Variants in AKT3 observed in about 807,000 individuals in gnomAD.
The protein encoded by AKT3 is RAC-gamma serine/threonine-protein kinase.
A neutral mutation model predicts 65.3 loss-of-function variants in AKT3; 15 were observed. The observed-to-expected ratio is 0.23, with a 90% CI of 0.15 to 0.35. The LOEUF is 0.35. Ranked by LOEUF, AKT3 falls within the 10% of genes least tolerant of loss-of-function variation. The pLI, the probability that AKT3 is intolerant of heterozygous loss-of-function variation, is 1.00. For synonymous variants in AKT3, 206 were observed against 183.8 expected, an observed-to-expected ratio of 1.12 and a Z score of -0.98; for missense variants, 243 against 576.5, an observed-to-expected ratio of 0.42 and a Z score of 5.92.
chr1:243,553,193 T>C (rs1404664692), intron 10 of AKT3, among the ~76,000 whole-genome samples: 4 of 150,524 alleles, frequency 2.7e-5, no homozygotes, highest in Non-Finnish European at 5.9e-5. Flanking sequence ...AAAAAAAAAA[T>C]CCCAAGTACA....
chr1:243,582,657 G>T (rs571722829), intron 8 of AKT3, among the ~76,000 whole-genome samples: 1 of 152,238 alleles, frequency 6.6e-6, no homozygotes, highest in African/African-American at 2.4e-5. Flanking sequence ...AAAAATGCAT[G>T]TAAGTACATA....
At chr1:243,836,772 T>C (rs2148462746) in intron 2 of AKT3, among the ~76,000 whole-genome samples, 1 of 151,928 alleles carries the variant, frequency 6.6e-6, no homozygotes, top group East Asian at 1.9e-4. Flanking sequence ...TAGCCAGGCA[T>C]GGTGGCACAT....
At chr1:243,795,446 C>G (rs1330753728) in intron 2 of AKT3, among the ~76,000 whole-genome samples, 16 of 135,076 alleles carry the variant, frequency 1.2e-4, no homozygotes, top group Admixed American at 5.1e-4. Flanking sequence ...CCTTGATCTC[C>G]TTGTTTTTTT....
chr1:243,627,970 C>T (rs942154094), intron 6 of AKT3, among the ~76,000 whole-genome samples: 1 of 152,184 alleles, frequency 6.6e-6, no homozygotes, highest in South Asian at 2.1e-4. Context: ...ACGATATACA[C>T]TCAGATATGA....
intron 6 of AKT3, among the ~76,000 whole-genome samples, chr1:243,616,409 T>G (rs1443053105): frequency 6.6e-6 from 1 of 151,906 alleles, no homozygotes; most frequent in East Asian, 1.9e-4. Context: ...TAAGAATGTT[T>G]TCCCCAACTT....
intron 9 of AKT3, among the ~76,000 whole-genome samples, chr1:243,569,544 G>A (rs114577474): frequency 1.3e-5 from 2 of 152,192 alleles, no homozygotes; most frequent in Non-Finnish European, 2.9e-5. Context: ...TTAGGGAGCT[G>A]ATGAGGACGA....
In AKT3 at chr1:243,526,778, T is replaced by TAAAAAAAAAAAAAAAAAAAAAAAA. The variant is rs1671117704; in HGVS notation, c.1252-14353_1252-14352insTTTTTTTTTTTTTTTTTTTTTTTT. Among the ~76,000 whole-genome samples the TAAAAAAAAAAAAAAAAAAAAAAAA allele has an allele frequency of 1.4e-4, 8 of 55,726 alleles. 2 individuals carry two copies. Among genetic ancestry groups the TAAAAAAAAAAAAAAAAAAAAAAAA allele is most frequent in the African/African-American group, 1.8e-4 (3 of 16,498 alleles). The allele number at this position is 55,726 out of a possible 152,430, so 36.6% of individuals were successfully genotyped here. A position where few individuals can be genotyped will look rare whatever the true frequency, so the allele number is the denominator to read the frequency against. On this transcript the variant is annotated intron_variant, in intron 12 of 13. Transcript: ENST00000673466. Reference sequence around the variant, plus strand: ...TTGCCAGCTGCACTACAAAAAATGGTTAAAAAAAAAAAAAAAAAAAAAAAA... The same window carrying TAAAAAAAAAAAAAAAAAAAAAAAA: ...TTGCCAGCTGCACTACAAAAAATGGTAAAAAAAAAAAAAAAAAAAAAAAATAAAAAAAAAAAAAAAAAAAAAAAA...
At chr1:243,737,841 T>C (rs566546797) in intron 2 of AKT3, among the ~76,000 whole-genome samples, 4 of 152,310 alleles carry the variant, frequency 2.6e-5, no homozygotes, top group Admixed American at 2.0e-4. Flanking sequence ...AAATCACATA[T>C]AAAATTGATC....
chr1:243,552,996 A>G, intron 10 of AKT3, 53 bp from the exon 11 acceptor site: 1 of 1,356,892 alleles, frequency 7.4e-7, no homozygotes, highest in Non-Finnish European at 1.0e-6. Context: ...CTTTTAAAGC[A>G]TTATTCATAA....
Position 243,501,833 on chromosome 1 carries a change from C to T in AKT3, c.*3416G>A, listed in dbSNP as rs919674121. 18 of 232,508 alleles carry T rather than the reference C, an allele frequency of 7.7e-5. No individual in the cohort carries two copies. The highest frequency in any genetic ancestry group is 3.4e-4 in the Admixed American group (6 of 17,764). 14.4% of individuals were successfully genotyped at this position (232,508 alleles called of 1,614,324 possible). On this transcript the variant is annotated 3_prime_UTR_variant, in exon 14 of 14. Transcript: ENST00000673466. Reference sequence around the variant, plus strand: ...AAATCATGTTCATCCCTATCATATACGTGTAAAAATACTAAGGATGTACAG... The same window carrying T: ...AAATCATGTTCATCCCTATCATATATGTGTAAAAATACTAAGGATGTACAG...
chr1:243,532,249 C>A (rs1397016761), intron 12 of AKT3, among the ~76,000 whole-genome samples: 4 of 152,126 alleles, frequency 2.6e-5, no homozygotes, highest in Admixed American at 1.3e-4. Context: ...GAGGGTTTTC[C>A]AAACTATAGA....
intron 2 of AKT3, among the ~76,000 whole-genome samples, chr1:243,747,414 T>C (rs1483539209): frequency 6.6e-6 from 1 of 152,176 alleles, no homozygotes; most frequent in Non-Finnish European, 1.5e-5. Context: ...TCATGCTTTT[T>C]TTATTATAGA....
At chr1:243,510,055 C>G (rs1669921722) in intron 13 of AKT3, among the ~76,000 whole-genome samples, 1 of 152,198 alleles carries the variant, frequency 6.6e-6, no homozygotes, top group African/African-American at 2.4e-5. Flanking sequence ...ATTTCTATGA[C>G]TTCCAAAATA....
At chr1:243,536,450 CAAAT>C (rs1004612651) in intron 12 of AKT3, among the ~76,000 whole-genome samples, 3 of 152,102 alleles carry the variant, frequency 2.0e-5, no homozygotes, top group Admixed American at 2.0e-4. Flanking sequence ...TTATTTGGTG[CAAAT>C]AAATATGTTT....
At chr1:243,799,170 A>G (rs1692233273) in intron 2 of AKT3, among the ~76,000 whole-genome samples, 2 of 151,662 alleles carry the variant, frequency 1.3e-5, no homozygotes, top group South Asian at 2.1e-4. Flanking sequence ...TAGACACTCA[A>G]TGGGGCTGTG....
intron 12 of AKT3, among the ~76,000 whole-genome samples, chr1:243,541,919 A>C (rs144784841): frequency 6.6e-6 from 1 of 152,352 alleles, no homozygotes; most frequent in East Asian, 1.9e-4. Context: ...GTGAAAATGA[A>C]ATTTTAAATA....
At chr1:243,649,748 C>G (rs562219322) in intron 4 of AKT3, among the ~76,000 whole-genome samples, 1 of 152,034 alleles carries the variant, frequency 6.6e-6, no homozygotes, top group African/African-American at 2.4e-5. Context: ...TGAACTCATC[C>G]TTTTTTATGG....
chr1:243,719,724 T>C (rs996029190), intron 2 of AKT3, among the ~76,000 whole-genome samples: 1 of 152,054 alleles, frequency 6.6e-6, no homozygotes, highest in Non-Finnish European at 1.5e-5. Flanking sequence ...ATGACTGCCA[T>C]CAGAAGGGAA....
chr1:243,548,454 T>C (rs907019991), intron 11 of AKT3: 2 of 152,214 alleles, frequency 1.3e-5, no homozygotes, highest in African/African-American at 2.4e-5. Flanking sequence ...ATGAATACTA[T>C]GCAAAGTCTG....
Sources: allele counts gnomAD v4.1 joint callset (sites outside exome capture counted in the v4.1 genomes callset), GRCh38; gene constraint gnomAD v4.1.1; transcripts MANE v1.5; gene names NCBI Gene and HGNC (gene_info 2026-07-23, HGNC 2026-07-21).